FGD3: variants seen among roughly 807,000 people sequenced by gnomAD.
FGD3 encodes FYVE, RhoGEF and PH domain containing 3, also known as FYVE, RhoGEF and PH domain-containing protein 3.
A neutral mutation model predicts 71.8 loss-of-function variants in FGD3; 45 were observed. That is an observed-to-expected ratio of 0.63 (90% CI 0.49 to 0.80). The LOEUF (loss-of-function observed/expected upper bound fraction) is 0.80. FGD3 is among the 30% of genes least tolerant of loss of function. FGD3 has a pLI of 0.00. For missense variants in FGD3, 844 were observed against 951.5 expected (o/e 0.89, Z 1.49); for synonymous variants, 378 against 392.8 (o/e 0.96, Z 0.44).
chr9:92,952,783 T>C (rs182349103), intron 1 of FGD3, among the ~76,000 whole-genome samples: 1 of 152,050 alleles, frequency 6.6e-6, no homozygotes, highest in African/African-American at 2.4e-5. Flanking sequence ...CCCTTTTTTC[T>C]TCTTTAGAAT....
intron 1 of FGD3, among the ~76,000 whole-genome samples, chr9:92,955,155 C>T (rs1287517077): frequency 2.0e-5 from 3 of 152,146 alleles, no homozygotes; most frequent in South Asian, 4.1e-4. Context: ...GCTGCAAGGG[C>T]CAGGTTCCAG....
intron 8 of FGD3, among the ~76,000 whole-genome samples, chr9:93,011,714 G>C (rs969802579): frequency 6.8e-6 from 1 of 147,988 alleles, no homozygotes; most frequent in Non-Finnish European, 1.5e-5. Flanking sequence ...AAATTAGCTG[G>C]GCGTAGTGGT....
chr9:93,010,700 C>G (rs977367599), intron 7 of FGD3, among the ~76,000 whole-genome samples: 1 of 142,154 alleles, frequency 7.0e-6, no homozygotes. Flanking sequence ...GAGAGAGAGA[C>G]ACACAGAGAC....
chr9:92,998,852 AC>A (rs1454631364), intron 3 of FGD3, among the ~76,000 whole-genome samples: 1 of 152,108 alleles, frequency 6.6e-6, no homozygotes, highest in Non-Finnish European at 1.5e-5. Context: ...TCAGAGGGGC[AC>A]CCGGCTGTAT....
chr9:93,012,235 C>G (rs952720825), intron 8 of FGD3, among the ~76,000 whole-genome samples: 1 of 152,044 alleles, frequency 6.6e-6, no homozygotes, highest in Non-Finnish European at 1.5e-5. Flanking sequence ...CCATTATGTT[C>G]CAGGTACTTT....
At chr9:93,033,278 CCCCCTCCTCCTCCTCCCCGT>C (rs1862429512) in intron 16 of FGD3, 2 of 297,552 alleles carry the variant, frequency 6.7e-6, no homozygotes, top group Admixed American at 4.4e-5. Flanking sequence ...GAGGCAGGCA[CCCCCTCCTCCTCCTCCCCGT>C]CCCCTTCTCC....
At chr9:93,033,136 C>A (rs1862424185) in intron 16 of FGD3, 3 of 521,488 alleles carry the variant, frequency 5.8e-6, no homozygotes, top group African/African-American at 1.9e-5. Context: ...AAGTGTCACT[C>A]CTGGTCACCT....
At position 93,010,390 on chromosome 9, in the gene FGD3, C is replaced by T. The variant is rs531829238; in HGVS notation, c.976+6C>T. 135 of 1,602,484 alleles carry T rather than the reference C, an allele frequency of 8.4e-5. No homozygotes were observed. The highest frequency in any genetic ancestry group is 1.1e-4 in the Non-Finnish European group (131 of 1,171,854). On this transcript the variant is annotated splice_donor_region_variant and intron_variant, in intron 7 of 17. Transcript: ENST00000375482. Reference sequence around the variant, plus strand: ...AGACCGGAAGGATGCGGAGAGTGAGCTGGGGCCAAGGGCTCCCAGGAGGGT... The same window carrying T: ...AGACCGGAAGGATGCGGAGAGTGAGTTGGGGCCAAGGGCTCCCAGGAGGGT...
intron 9 of FGD3, 167 bp from the exon 10 acceptor site, chr9:93,015,570 T>C: frequency 2.0e-6 from 1 of 490,952 alleles, no homozygotes; most frequent in Non-Finnish European, 3.6e-6. Context: ...GTCTCCTCAC[T>C]CAAAGATGTA....
At chr9:92,986,787 A>T (rs1469938475) in intron 3 of FGD3, among the ~76,000 whole-genome samples, 1 of 152,248 alleles carries the variant, frequency 6.6e-6, no homozygotes, top group Non-Finnish European at 1.5e-5. Context: ...AGTCAGAAGG[A>T]GCTGGCAGAG....
chr9:92,949,910 T>G (rs1021301299), intron 1 of FGD3, among the ~76,000 whole-genome samples: 4 of 152,122 alleles, frequency 2.6e-5, no homozygotes, highest in African/African-American at 9.7e-5. Context: ...ACCAACCAAC[T>G]AACCAACAGC....
At chr9:93,025,093 T>C (rs574296456) in intron 14 of FGD3, among the ~76,000 whole-genome samples, 1 of 152,308 alleles carries the variant, frequency 6.6e-6, no homozygotes, top group South Asian at 2.1e-4. Context: ...GACCAGGCTG[T>C]GGCCAGCAGA....
intron 8 of FGD3, among the ~76,000 whole-genome samples, chr9:93,013,050 A>G (rs1008074760): frequency 3.3e-5 from 5 of 151,848 alleles, no homozygotes; most frequent in African/African-American, 9.7e-5. Flanking sequence ...GTGCACACCC[A>G]GCTCCCCTGT....
chr9:93,033,255 G>C (rs1862427996), intron 16 of FGD3: 1 of 341,568 alleles, frequency 2.9e-6, no homozygotes, highest in South Asian at 2.3e-5. Context: ...GTCAGAGGGT[G>C]AGCAGGGCCC....
intron 3 of FGD3, among the ~76,000 whole-genome samples, chr9:92,980,347 A>C (rs1419758920): frequency 6.6e-6 from 1 of 152,074 alleles, no homozygotes; most frequent in Non-Finnish European, 1.5e-5. Flanking sequence ...ACCTAGCTAA[A>C]TGTTTGTCAA....
Position 93,003,511 on chromosome 9 carries a change from C to T in FGD3, c.544-490C>T, listed in dbSNP as rs536622958. 3.4e-4 allele frequency among the ~76,000 whole-genome samples: 52 copies of T among 152,362 alleles called. No homozygotes were observed. Among genetic ancestry groups the T allele is most frequent in the Non-Finnish European group, 3.5e-4 (24 of 68,036 alleles). ...TCACCTGTGGGACATTTCTTCTTGGCAGCTGCATGATCTGAGCATGTAAAT... is the reference window on the plus strand; with the variant it reads ...TCACCTGTGGGACATTTCTTCTTGGTAGCTGCATGATCTGAGCATGTAAAT... On this transcript the variant is annotated intron_variant, in intron 4 of 17. Coordinates refer to ENST00000375482, the MANE Select transcript of FGD3 (RefSeq NM_001083536.2). The surrounding 1 kb of genome is among the most constrained non-coding windows in gnomAD (Gnocchi z 4.1).
intron 1 of FGD3, among the ~76,000 whole-genome samples, chr9:92,973,772 C>T (rs1434773288): frequency 6.6e-6 from 1 of 152,224 alleles, no homozygotes; most frequent in Non-Finnish European, 1.5e-5. Flanking sequence ...GTGCTCTCCC[C>T]ACCGCACACA....
rs1861551284 is a variant in FGD3 at position 93,013,973 on chromosome 9, C to A, written c.1157C>A (p.Thr386Asn). Residue 386 changes from threonine (T) to asparagine (N), a missense_variant, in exon 9 of 18, where the codon ACC becomes AAC. Coordinates refer to ENST00000375482, the MANE Select transcript of FGD3 (RefSeq NM_001083536.2). ...CAGAAACTGTCAGCCAAGAACGGCA[C>A]CCCCCAGGACCGCCACCTCTTCCTG... ...QIQKLSAKNG[T>N]PQDRHLFLFN... 2 of 1,608,214 alleles carry A rather than the reference C, an allele frequency of 1.2e-6. No homozygotes were observed. Among genetic ancestry groups the A allele is most frequent in the Non-Finnish European group, 8.5e-7 (1 of 1,177,582 alleles).
rs188990871 is a variant in FGD3 at position 93,009,993 on chromosome 9, C to T, written c.838-253C>T. The stretch of plus-strand genomic sequence containing the variant: ...GCATTTATTTTCTCCACCGAGGATG[C>T]GTATAAGAGAGCCAGCTCTGGGCCA... On this transcript the variant is annotated intron_variant, in intron 6 of 17. Coordinates refer to ENST00000375482, the MANE Select transcript of FGD3 (RefSeq NM_001083536.2). Among the ~76,000 whole-genome samples, 18 of 152,302 alleles carry T rather than the reference C, an allele frequency of 1.2e-4. No homozygotes were observed. The East Asian group carries it at 3.1e-3, about 26-fold the overall frequency.
Sources: allele counts gnomAD v4.1 joint callset (sites outside exome capture counted in the v4.1 genomes callset), GRCh38; gene constraint gnomAD v4.1.1; non-coding constraint Gnocchi (gnomAD v3.1); transcripts MANE v1.5; gene names NCBI Gene and HGNC (gene_info 2026-07-23, HGNC 2026-07-21).